Variants in ATRNL1 observed in about 807,000 individuals in gnomAD.
ATRNL1 encodes the protein attractin-like protein 1.
ATRNL1 carries 95 observed loss-of-function variants against 182.7 expected under a neutral mutation model. The ratio of observed to expected loss-of-function variants is 0.52; its 90% CI spans 0.44 to 0.62. The LOEUF (loss-of-function observed/expected upper bound fraction) is 0.62. Among genes scored for constraint, ATRNL1 ranks in the 20% least tolerant of loss-of-function variants. The probability of loss-of-function intolerance (pLI) is 0.00; values close to 1 mark genes in which losing one functional copy is unlikely to be tolerated. For synonymous variants in ATRNL1, 576 were observed against 568.3 expected (o/e 1.01, Z -0.19); for missense variants, 1,471 against 1,679.5 (o/e 0.88, Z 2.17).
chr10:115,160,527 AC>A (rs1846735278), intron 6 of ATRNL1, among the ~76,000 whole-genome samples: 1 of 1,264 alleles, frequency 7.9e-4, no homozygotes, highest in African/African-American at 3.2e-3. Flanking sequence ...AATTCATGCC[AC>A]TTTTTTTTTT....
intron 26 of ATRNL1, among the ~76,000 whole-genome samples, chr10:115,582,280 A>G (rs1424948643): frequency 2.7e-5 from 4 of 149,234 alleles, no homozygotes; most frequent in Admixed American, 6.7e-5. Flanking sequence ...TGACTGGGTC[A>G]AATGGTATTT....
chr10:115,795,598 TG>T (rs1488170508), intron 27 of ATRNL1, among the ~76,000 whole-genome samples: 2 of 152,144 alleles, frequency 1.3e-5, no homozygotes, highest in Non-Finnish European at 2.9e-5. Flanking sequence ...CTTCTGCTTC[TG>T]GGGAGACCTC....
intron 24 of ATRNL1, among the ~76,000 whole-genome samples, chr10:115,488,355 C>CT (rs1180008131): frequency 6.6e-6 from 1 of 152,128 alleles, no homozygotes; most frequent in East Asian, 1.9e-4. Flanking sequence ...TGGTAGTGGA[C>CT]TTTTTTTGGT....
chr10:115,530,735 G>C (rs895558327), intron 25 of ATRNL1, among the ~76,000 whole-genome samples: 1 of 150,024 alleles, frequency 6.7e-6, no homozygotes, highest in Admixed American at 6.6e-5. Flanking sequence ...CCATTAACTC[G>C]TCATTTAGCA....
At chr10:115,781,383 C>CA (rs541271736) in intron 27 of ATRNL1, among the ~76,000 whole-genome samples, 11 of 151,508 alleles carry the variant, frequency 7.3e-5, no homozygotes, top group Admixed American at 2.6e-4. Flanking sequence ...AAGTGCTTAC[C>CA]AAAAAAAACA....
intron 27 of ATRNL1, among the ~76,000 whole-genome samples, chr10:115,835,321 T>C (rs1223258838): frequency 6.6e-6 from 1 of 152,174 alleles, no homozygotes; most frequent in Non-Finnish European, 1.5e-5. Context: ...CATTGAATCA[T>C]TTGAATGCCA....
chr10:115,467,390 A>G (rs1848104226), intron 23 of ATRNL1, 138 bp downstream of exon 23: 1 of 510,684 alleles, frequency 2.0e-6, no homozygotes, highest in Admixed American at 4.1e-5. Flanking sequence ...ACTGGTAAAA[A>G]TAATAAGTAG....
At chr10:115,395,199 C>T (rs1844225968) in intron 20 of ATRNL1, among the ~76,000 whole-genome samples, 3 of 151,874 alleles carry the variant, frequency 2.0e-5, no homozygotes, top group Admixed American at 2.0e-4. Flanking sequence ...TTTTTTATGG[C>T]TGTGTAGTAT....
At chr10:115,507,074 A>C (rs1565114245) in intron 24 of ATRNL1, among the ~76,000 whole-genome samples, 2 of 152,124 alleles carry the variant, frequency 1.3e-5, no homozygotes, top group Admixed American at 1.3e-4. Context: ...CTGGAAAGTC[A>C]GGACAGCTTG....
chr10:115,412,823 T>C (rs1845208616), intron 20 of ATRNL1, among the ~76,000 whole-genome samples: 1 of 152,186 alleles, frequency 6.6e-6, no homozygotes, highest in South Asian at 2.1e-4. Flanking sequence ...ATCTGAGTAA[T>C]TTACATTTTA....
chr10:115,310,047 G>T (rs1471862637), intron 17 of ATRNL1, among the ~76,000 whole-genome samples: 2 of 151,884 alleles, frequency 1.3e-5, no homozygotes, highest in Non-Finnish European at 2.9e-5. Context: ...TTTGTTGAGG[G>T]TTTTTAATTA....
intron 26 of ATRNL1, among the ~76,000 whole-genome samples, chr10:115,569,774 T>G (rs539898252): frequency 0.052 from 1,387 of 26,810 alleles, 17 homozygotes; most frequent in Middle Eastern, 0.2. Context: ...ATTCTTTAAA[T>G]ACTTTTTTTT....
intron 26 of ATRNL1, among the ~76,000 whole-genome samples, chr10:115,663,916 A>G (rs74158223): frequency 0.012 from 1,813 of 152,244 alleles, 36 homozygotes; most frequent in African/African-American, 0.041. Flanking sequence ...GATGTAGCCA[A>G]AGAAGTTTAC....
chr10:115,920,439 C>A (rs1953015602), intron 28 of ATRNL1, among the ~76,000 whole-genome samples: 1 of 152,178 alleles, frequency 6.6e-6, no homozygotes, highest in Non-Finnish European at 1.5e-5. Flanking sequence ...TGGTTGTGGG[C>A]AAGAGTAACA....
At chr10:115,696,295 A>G (rs1310860212) in intron 26 of ATRNL1, among the ~76,000 whole-genome samples, 5 of 152,142 alleles carry the variant, frequency 3.3e-5, no homozygotes, top group Admixed American at 2.6e-4. Flanking sequence ...ATACCTGTGC[A>G]TGGTCTTTAT....
intron 19 of ATRNL1, among the ~76,000 whole-genome samples, chr10:115,345,660 C>A (rs1413940644): frequency 1.3e-5 from 2 of 152,094 alleles, no homozygotes; most frequent in Non-Finnish European, 2.9e-5. Context: ...ATTGATGGAA[C>A]CTTCTATTCT....
intron 10 of ATRNL1, among the ~76,000 whole-genome samples, chr10:115,260,984 G>C (rs1851367981): frequency 6.6e-6 from 1 of 151,972 alleles, no homozygotes; most frequent in African/African-American, 2.4e-5. Flanking sequence ...GTTTGGGATT[G>C]AAGTACACAA....
intron 19 of ATRNL1, among the ~76,000 whole-genome samples, chr10:115,347,450 C>A (rs1856027176): frequency 6.6e-6 from 1 of 152,132 alleles, no homozygotes; most frequent in African/African-American, 2.4e-5. Context: ...TGTCTAAAAT[C>A]AATTTATAAA....
intron 27 of ATRNL1, among the ~76,000 whole-genome samples, chr10:115,752,766 C>G (rs941250837): frequency 6.6e-6 from 1 of 152,096 alleles, no homozygotes; most frequent in Non-Finnish European, 1.5e-5. Flanking sequence ...GTTATGCAAA[C>G]TAATGTTAGC....
Sources: allele counts gnomAD v4.1 joint callset (sites outside exome capture counted in the v4.1 genomes callset), GRCh38; gene constraint gnomAD v4.1.1; transcripts MANE v1.5; gene names NCBI Gene and HGNC (gene_info 2026-07-23, HGNC 2026-07-21).